The following SMC2 variants were observed in gnomAD, a reference collection of about 807,000 sequenced individuals.
The protein encoded by SMC2 is structural maintenance of chromosomes 2.
A neutral mutation model predicts 142.6 loss-of-function variants in SMC2; 41 were observed. The ratio of observed to expected loss-of-function variants is 0.29; its 90% CI spans 0.22 to 0.37. SMC2 has a LOEUF of 0.37. Among genes scored for constraint, SMC2 ranks in the 10% least tolerant of loss-of-function variants. The pLI is 1.00. For synonymous variants in SMC2, 463 were observed against 457.5 expected (o/e 1.01, Z -0.15); for missense variants, 1,265 against 1,373.7 (o/e 0.92, Z 1.25).
At chr9:104,104,096 G>T (rs1298687940) in intron 9 of SMC2, among the ~76,000 whole-genome samples, 1 of 151,928 alleles carries the variant, frequency 6.6e-6, no homozygotes, top group South Asian at 2.1e-4. Flanking sequence ...ATGCCCTAAG[G>T]CTAGCACTCT....
At chr9:104,133,043 C>T (rs1197564094) in intron 22 of SMC2, among the ~76,000 whole-genome samples, 1 of 152,046 alleles carries the variant, frequency 6.6e-6, no homozygotes, top group African/African-American at 2.4e-5. Flanking sequence ...AAAGTAGGTA[C>T]TGTTATCAGC....
In SMC2 at chr9:104,096,279, A is replaced by T; in HGVS notation, c.300A>T (p.Glu100Asp). 1 of 1,614,108 alleles carries T rather than the reference A, an allele frequency of 6.2e-7. No individual in the cohort carries two copies. The highest frequency in any genetic ancestry group is 8.5e-7 in the Non-Finnish European group (1 of 1,179,966). The change falls in exon 3 of 25, where the codon GAA becomes GAT. Residue 100 changes from glutamate (E) to aspartate (D), a missense_variant. Around this residue, in one of 4 missense-constraint regions of SMC2, gnomAD observed 168 missense variants for 184.8 expected, o/e 0.91. Coordinates refer to ENST00000374793, the MANE Select transcript of SMC2 (RefSeq NM_006444.3). ...QSPLGFEVHD[E>D]ITVTRQVVIG... The stretch of plus-strand genomic sequence containing the variant: ...CTTTAGGATTTGAGGTTCATGATGA[A>T]ATCACAGTAACAAGGCAGGTGAGTG...
intron 7 of SMC2, 53 bp from the exon 8 acceptor site, chr9:104,101,907 T>A (rs576580330): frequency 1.0e-3 from 950 of 952,664 alleles, no homozygotes; most frequent in Non-Finnish European, 1.3e-3. Flanking sequence ...CATAATTGAA[T>A]TTTTTTTTTA....
chr9:104,105,310 C>A (rs758071277), intron 9 of SMC2, among the ~76,000 whole-genome samples: 4 of 152,128 alleles, frequency 2.6e-5, no homozygotes, highest in Non-Finnish European at 4.4e-5. Context: ...GCATGCCCAA[C>A]GTACAGGATC....
intron 2 of SMC2, among the ~76,000 whole-genome samples, 154 bp downstream of exon 2, chr9:104,095,706 C>T (rs912346287): frequency 6.6e-6 from 1 of 152,112 alleles, no homozygotes; most frequent in Non-Finnish European, 1.5e-5. Flanking sequence ...AATATTACTC[C>T]TTTAGATGAG....
upstream of SMC2, among the ~76,000 whole-genome samples, chr9:104,091,303 AT>A (rs1829978692): frequency 6.6e-6 from 1 of 152,242 alleles, no homozygotes; most frequent in Non-Finnish European, 1.5e-5. Flanking sequence ...ACTGTACTGA[AT>A]AATGTAGGTA....
chr9:104,118,656 A>G (rs1164757662), intron 15 of SMC2, among the ~76,000 whole-genome samples: 1 of 152,056 alleles, frequency 6.6e-6, no homozygotes, highest in Non-Finnish European at 1.5e-5. Flanking sequence ...TGTCAAGACA[A>G]TAGAATAACA....
chr9:104,116,260 C>T lies in SMC2; in HGVS notation c.1732C>T (p.Leu578Phe). 1 of 1,609,298 alleles carries T rather than the reference C, an allele frequency of 6.2e-7. No individual in the cohort carries two copies. Among genetic ancestry groups the T allele is most frequent in the Non-Finnish European group, 8.5e-7 (1 of 1,177,976 alleles). Residue 578 changes from leucine (L) to phenylalanine (F), a missense_variant, in exon 14 of 25, where the codon CTC becomes TTC. Physicochemically the swap from Leu to Phe is conservative, Grantham distance 22. Around this residue, in one of 4 missense-constraint regions of SMC2, gnomAD observed 898 missense variants for 904.2 expected, o/e 0.99. Coordinates refer to ENST00000374793, the MANE Select transcript of SMC2 (RefSeq NM_006444.3). Reference protein sequence around the residue: ...ELKRRYTIIPLNKISARCIAP... With the variant: ...ELKRRYTIIPFNKISARCIAP... ...GAAACGTCGATACACTATAATTCCA[C>T]TCAATAAAATTTCAGCCAGATGTAT...
Position 104,118,386 on chromosome 9 carries a change from T to G in SMC2, c.1996+11T>G, listed in dbSNP as rs1383168614. On this transcript the variant is annotated intron_variant, in intron 15 of 24. Coordinates refer to ENST00000374793, the MANE Select transcript of SMC2 (RefSeq NM_006444.3). The stretch of plus-strand genomic sequence containing the variant: ...GGACATTGAGTGGAGGTAAGTTTTA[T>G]ATCCTTTTCTCCTCACAATTCTTTG... 1.2e-6 allele frequency: 2 copies of G among 1,603,218 alleles called. No homozygotes were observed. Among genetic ancestry groups the G allele is most frequent in the East Asian group, 4.5e-5 (2 of 44,716 alleles).
intron 24 of SMC2, among the ~76,000 whole-genome samples, chr9:104,138,732 T>C (rs1835811766): frequency 6.6e-6 from 1 of 152,198 alleles, no homozygotes; most frequent in African/African-American, 2.4e-5. Flanking sequence ...AGCAGTGTTT[T>C]GGCAAATAAC....
chr9:104,137,120 C>G (rs760354607), intron 23 of SMC2, among the ~76,000 whole-genome samples: 2 of 151,952 alleles, frequency 1.3e-5, no homozygotes, highest in Non-Finnish European at 2.9e-5. Flanking sequence ...TGCACTTCAT[C>G]CGGGGTGACA....
intron 9 of SMC2, among the ~76,000 whole-genome samples, chr9:104,104,080 G>C (rs1305020395): frequency 2.0e-5 from 3 of 151,910 alleles, no homozygotes; most frequent in Non-Finnish European, 2.9e-5. Flanking sequence ...ATCTCTTAAT[G>C]TTAGTATGCC....
At chr9:104,116,558 T>TATCA (rs35687655) in intron 14 of SMC2, among the ~76,000 whole-genome samples, 4 of 151,604 alleles carry the variant, frequency 2.6e-5, no homozygotes, top group South Asian at 2.1e-4. Flanking sequence ...GTCACATGAC[T>TATCA]ATCAATCAGG....
chr9:104,100,548 A>G (rs1830996665), intron 7 of SMC2, 115 bp downstream of exon 7: 2 of 673,422 alleles, frequency 3.0e-6, no homozygotes, highest in South Asian at 3.9e-5. Flanking sequence ...CTGCGATGAG[A>G]TAAGGAATTA....
chr9:104,100,071 A>G, intron 5 of SMC2, 22 bp from the exon 6 acceptor site: 2 of 1,288,370 alleles, frequency 1.6e-6, no homozygotes, highest in Non-Finnish European at 2.2e-6. Flanking sequence ...GATACTAAAC[A>G]TTAATAAAAT....
At chr9:104,101,929 A>T in intron 7 of SMC2, 31 bp from the exon 8 acceptor site, 1 of 1,324,014 alleles carries the variant, frequency 7.6e-7, no homozygotes, top group East Asian at 2.3e-5. Flanking sequence ...TACAATTTTG[A>T]GTTATTCTTT....
intron 13 of SMC2, 55 bp from the exon 14 acceptor site, chr9:104,116,145 C>G (rs1833084329): frequency 2.6e-6 from 4 of 1,513,542 alleles, no homozygotes; most frequent in Non-Finnish European, 3.6e-6. Context: ...CTTGCATTCT[C>G]TCAATTTTCT....
rs781668942 is a variant in SMC2 at position 104,102,184 on chromosome 9, A to G, written c.861A>G (p.Arg287=). The change falls in exon 8 of 25, where the codon AGA becomes AGG. Residue 287 remains arginine, a synonymous_variant. Transcript: ENST00000374793. ...LNHEIEELEK[R]KDKETGGILR... is the part of the protein sequence containing the mutation. ...ATGAAATAGAAGAATTGGAAAAAAG[A>G]AAAGATAAGGTCTGAACATATGTAT... is the stretch of plus-strand genomic sequence containing the variant. 6.5e-7 allele frequency: 1 copy of G among 1,529,764 alleles called. No homozygotes were observed. Among genetic ancestry groups the G allele is most frequent in the African/African-American group, 1.4e-5 (1 of 72,490 alleles). The allele number at this position is 1,529,764 out of a possible 1,614,324, so 94.8% of individuals were successfully genotyped here. A position where few individuals can be genotyped will look rare whatever the true frequency, so the allele number is the denominator to read the frequency against.
rs188759297 is a variant in SMC2, at chr9:104,094,377, G to T, written c.-162G>T. ...CAGGTGTTGTAGCCGCTATGGTGAA[G>T]TTCGCTTTGTAGCGGCCCCGGCTAG... is the stretch of plus-strand genomic sequence containing the variant. On this transcript the variant is annotated 5_prime_UTR_variant, in exon 1 of 25. Transcript: ENST00000374793. 2.3e-5 allele frequency: 9 copies of T among 398,810 alleles called. No individual in the cohort carries two copies. The Admixed American group carries it at 3.1e-4, about 14-fold the overall frequency. The allele number at this position is 398,810 out of a possible 1,614,324, so 24.7% of individuals were successfully genotyped here. A position where few individuals can be genotyped will look rare whatever the true frequency, so the allele number is the denominator to read the frequency against.
Sources: allele counts gnomAD v4.1 joint callset (sites outside exome capture counted in the v4.1 genomes callset), GRCh38; gene constraint gnomAD v4.1.1; regional missense constraint gnomAD v4.1.1; transcripts MANE v1.5; gene names NCBI Gene and HGNC (gene_info 2026-07-23, HGNC 2026-07-21).